Variants in PLEKHA6 observed in about 807,000 individuals in gnomAD.
PLEKHA6 encodes pleckstrin homology domain-containing family A member 6.
Under a neutral mutation model 116.7 loss-of-function variants are expected in PLEKHA6, and 60 were observed. That is an observed-to-expected ratio of 0.51 (90% CI 0.42 to 0.64). The LOEUF (loss-of-function observed/expected upper bound fraction) is 0.64. Ranked by LOEUF, PLEKHA6 falls within the 30% of genes least tolerant of loss-of-function variation. The pLI, the probability that PLEKHA6 is intolerant of heterozygous loss-of-function variation, is 0.00. For synonymous variants in PLEKHA6, 489 were observed against 556.1 expected, an observed-to-expected ratio of 0.88 and a Z score of 1.70; for missense variants, 1,338 against 1,422.7, an observed-to-expected ratio of 0.94 and a Z score of 0.96.
At chr1:204,234,954 T>TTA (rs61156938) in intron 17 of PLEKHA6, among the ~76,000 whole-genome samples, 5 of 18,734 alleles carry the variant, frequency 2.7e-4, no homozygotes, top group Non-Finnish European at 4.0e-4. Context: ...AAACTGCCCT[T>TTA]TATATATATA....
chr1:204,311,719 G>A (rs1671665126), intron 1 of PLEKHA6: 1 of 911,720 alleles, frequency 1.1e-6, no homozygotes, highest in African/African-American at 1.8e-5. Flanking sequence ...GAATGAAATT[G>A]AATATAATTC....
chr1:204,374,775 G>A (rs931890977), intron 1 of PLEKHA6, among the ~76,000 whole-genome samples: 22 of 152,072 alleles, frequency 1.4e-4, no homozygotes, highest in African/African-American at 3.1e-4. Flanking sequence ...TTCATGTCTC[G>A]CACTCCTCAT....
chr1:204,280,381 C>T (rs906199835), intron 1 of PLEKHA6: 1 of 985,342 alleles, frequency 1.0e-6, no homozygotes, highest in African/African-American at 1.7e-5. Context: ...GGCTGGATGC[C>T]CAGAACCCCA....
intron 1 of PLEKHA6, among the ~76,000 whole-genome samples, chr1:204,304,312 C>G (rs1671089811): frequency 6.6e-6 from 1 of 152,126 alleles, no homozygotes; most frequent in South Asian, 2.1e-4. Context: ...GGGGCCTGAC[C>G]CTGGAGGTAG....
At chr1:204,311,947 G>T (rs11582509) in intron 1 of PLEKHA6, among the ~76,000 whole-genome samples, 54,811 of 152,084 alleles carry the variant, frequency 0.36, 11,624 homozygotes, top group Non-Finnish European at 0.46. Flanking sequence ...TAGGCATTAA[G>T]TTGGTGCTAC....
intron 1 of PLEKHA6, among the ~76,000 whole-genome samples, chr1:204,286,356 G>A (rs528859182): frequency 5.3e-5 from 8 of 152,206 alleles, no homozygotes; most frequent in Middle Eastern, 3.4e-3. Context: ...GTCCTGCCAC[G>A]CAGCAGCCGT....
chr1:204,247,072 G>C (rs1040801648), intron 13 of PLEKHA6, among the ~76,000 whole-genome samples: 1 of 152,194 alleles, frequency 6.6e-6, no homozygotes, highest in African/African-American at 2.4e-5. Context: ...GGGCAGTCAA[G>C]GCTGCAGTGA....
In PLEKHA6 at chr1:204,267,826, G is replaced by A. The variant is rs148938663; in HGVS notation, c.208-279C>T. 1.1e-3 allele frequency among the ~76,000 whole-genome samples: 162 copies of A among 152,286 alleles called. 3 individuals are homozygous for A. Among genetic ancestry groups the A allele is most frequent in the Non-Finnish European group, 2.8e-4 (19 of 68,024 alleles). ...AATGAGTGAGTGGAAGGGCAGGCAG[G>A]GATAGTGGCAAGGCCAATCTGGTGC... On this transcript the variant is annotated intron_variant, in intron 4 of 22. Transcript: ENST00000272203.
At chr1:204,242,057 G>T (rs933780685) in intron 15 of PLEKHA6, among the ~76,000 whole-genome samples, 1 of 152,140 alleles carries the variant, frequency 6.6e-6, no homozygotes, top group Non-Finnish European at 1.5e-5. Context: ...CCCCTAGGAG[G>T]CCCCTCAACC....
At chr1:204,300,882 T>A (rs1399892248) in intron 1 of PLEKHA6, among the ~76,000 whole-genome samples, 1 of 152,244 alleles carries the variant, frequency 6.6e-6, no homozygotes, top group Non-Finnish European at 1.5e-5. Flanking sequence ...GCCGCAATGC[T>A]TTCATAGCAT....
intron 1 of PLEKHA6, among the ~76,000 whole-genome samples, chr1:204,300,153 A>G (rs1670672726): frequency 6.6e-6 from 1 of 152,158 alleles, no homozygotes; most frequent in Non-Finnish European, 1.5e-5. Flanking sequence ...AGCAGATTGA[A>G]TTAGTGCTTC....
At chr1:204,312,193 C>T (rs1309081625) in intron 1 of PLEKHA6, among the ~76,000 whole-genome samples, 1 of 152,238 alleles carries the variant, frequency 6.6e-6, no homozygotes, top group Non-Finnish European at 1.5e-5. Flanking sequence ...CTTTTCCCTA[C>T]AGTCCAAGGC....
rs1219454154 is a variant in PLEKHA6 at position 204,239,332 on chromosome 1, C to A, written c.2409+2043G>T. ...TGCCCAATTTGCCAGCAGCAGAAAC[C>A]AACATTGAGCCCTTGATATGGCACG... On this transcript the variant is annotated intron_variant, in intron 17 of 22. Coordinates refer to ENST00000272203, the MANE Select transcript of PLEKHA6 (RefSeq NM_014935.5). Among the ~76,000 whole-genome samples, 3 of 152,188 alleles carry A rather than the reference C, an allele frequency of 2.0e-5. No homozygotes were observed. In the East Asian group the frequency reaches 5.8e-4, roughly 29 times the overall value.
chr1:204,249,052 G>A (rs1000632314), intron 11 of PLEKHA6, 82 bp from the exon 12 acceptor site: 19 of 1,524,872 alleles, frequency 1.2e-5, no homozygotes, highest in East Asian at 2.3e-5. Flanking sequence ...AGCCCTTAGA[G>A]GTTCAACAGG....
At chr1:204,372,486 G>A (rs182072142) in intron 1 of PLEKHA6, among the ~76,000 whole-genome samples, 45 of 152,278 alleles carry the variant, frequency 3.0e-4, no homozygotes, top group African/African-American at 9.9e-4. Flanking sequence ...CTCAGGTCAC[G>A]TGGATCACCC....
At chr1:204,294,691 G>C (rs1178220645) in intron 1 of PLEKHA6, among the ~76,000 whole-genome samples, 3 of 152,170 alleles carry the variant, frequency 2.0e-5, no homozygotes, top group Non-Finnish European at 4.4e-5. Context: ...GGCTCCACCA[G>C]TTACTACCTA....
intron 1 of PLEKHA6, among the ~76,000 whole-genome samples, chr1:204,349,680 G>C (rs1194463798): frequency 2.0e-5 from 3 of 152,192 alleles, no homozygotes; most frequent in Non-Finnish European, 4.4e-5. Flanking sequence ...AGGACTTGCT[G>C]CTTCTGGCCC....
At chr1:204,375,334 TC>T (rs1226600999) in intron 1 of PLEKHA6, among the ~76,000 whole-genome samples, 1 of 151,864 alleles carries the variant, frequency 6.6e-6, no homozygotes, top group Admixed American at 6.6e-5. Context: ...AACCCTGTAC[TC>T]CCCCTAATAT....
At chr1:204,324,115 G>A (rs1276712722) in intron 1 of PLEKHA6, among the ~76,000 whole-genome samples, 1 of 152,124 alleles carries the variant, frequency 6.6e-6, no homozygotes, top group Non-Finnish European at 1.5e-5. Flanking sequence ...CTATGATGAA[G>A]TGCAGTAAAA....
Sources: allele counts gnomAD v4.1 joint callset (sites outside exome capture counted in the v4.1 genomes callset), GRCh38; gene constraint gnomAD v4.1.1; transcripts MANE v1.5; gene names NCBI Gene and HGNC (gene_info 2026-07-23, HGNC 2026-07-21).